DRC1: variants seen among roughly 807,000 people sequenced by gnomAD.
The protein encoded by DRC1 is dynein regulatory complex protein 1.
DRC1 carries 74 observed loss-of-function variants against 98.7 expected under a neutral mutation model. The observed-to-expected ratio is 0.75, with a 90% CI of 0.62 to 0.91. The LOEUF is 0.91. DRC1 is among the 40% of genes least tolerant of loss of function. The pLI is 0.00. For synonymous variants in DRC1, 336 were observed against 334.1 expected (o/e 1.01, Z -0.06); for missense variants, 875 against 886.0 (o/e 0.99, Z 0.16).
rs1423875160 is a variant in DRC1 at position 26,454,633 on chromosome 2, C to T, written c.1920-14C>T. On this transcript the variant is annotated splice_polypyrimidine_tract_variant and intron_variant, in intron 14 of 16. Coordinates refer to ENST00000288710, the MANE Select transcript of DRC1 (RefSeq NM_145038.5). The surrounding 1 kb of genome is among the most constrained non-coding windows in gnomAD (Gnocchi z 5.2). The stretch of plus-strand genomic sequence containing the variant: ...CCCAATGGACATGACAATCACTGTG[C>T]TCTTGGCCTTCAGGGACTCGCGGGC... The T allele has an allele frequency of 1.2e-6, 2 of 1,613,712 alleles. No individual in the cohort carries two copies. The highest frequency in any genetic ancestry group is 1.7e-5 in the Admixed American group (1 of 60,006).
At chr2:26,447,290 G>C (rs952919188) in intron 10 of DRC1, among the ~76,000 whole-genome samples, 13 of 151,404 alleles carry the variant, frequency 8.6e-5, no homozygotes, top group Non-Finnish European at 1.9e-4. Flanking sequence ...GCGCGCGGCT[G>C]TAATTCCAGC....
At chr2:26,456,433 G>GT (rs759246876) in intron 16 of DRC1, 28 bp from the exon 17 acceptor site, 11 of 1,613,814 alleles carry the variant, frequency 6.8e-6, no homozygotes, top group Non-Finnish European at 8.5e-6. Context: ...TGGGAAAAAT[G>GT]TAACGACTTT....
chr2:26,402,937 C>T (rs1257934550), intron 1 of DRC1, among the ~76,000 whole-genome samples: 1 of 152,174 alleles, frequency 6.6e-6, no homozygotes, highest in African/African-American at 2.4e-5. Context: ...TTAGGCTTTT[C>T]GGATCATATG....
Position 26,431,887 on chromosome 2 carries a change from G to C in DRC1, c.769G>C (p.Glu257Gln). ...ALQAHNAKEL[E>Q]YLNNRMKKVE... Reference sequence around the variant, plus strand: ...CCTTGTCTTCCTGTGCCTTTAGCTGGAGTATCTTAACAACCGCATGAAGAA... The same window carrying C: ...CCTTGTCTTCCTGTGCCTTTAGCTGCAGTATCTTAACAACCGCATGAAGAA... The change falls in exon 7 of 17, where the codon GAG (glutamate) becomes CAG (glutamine). Residue 257 changes from glutamate (E) to glutamine (Q), a missense_variant. By Grantham distance (29) the Glu-to-Gln change is conservative. Coordinates refer to ENST00000288710, the MANE Select transcript of DRC1 (RefSeq NM_145038.5). 6.2e-7 allele frequency: 1 copy of C among 1,613,724 alleles called. No individual in the cohort carries two copies. The highest frequency in any genetic ancestry group is 8.5e-7 in the Non-Finnish European group (1 of 1,179,776).
intron 10 of DRC1, among the ~76,000 whole-genome samples, chr2:26,447,633 C>G (rs1663891526): frequency 6.6e-6 from 1 of 151,708 alleles, no homozygotes; most frequent in African/African-American, 2.4e-5. Flanking sequence ...GTGGTGCAGT[C>G]TTGGCTCACT....
chr2:26,409,414 C>T (rs1017942899), intron 1 of DRC1, among the ~76,000 whole-genome samples: 2 of 152,068 alleles, frequency 1.3e-5, no homozygotes, highest in African/African-American at 4.8e-5. Context: ...TGTTTATGTA[C>T]ACATAACCAA....
At chr2:26,408,776 T>A (rs1380376607) in intron 1 of DRC1, among the ~76,000 whole-genome samples, 1 of 151,556 alleles carries the variant, frequency 6.6e-6, no homozygotes, top group African/African-American at 2.4e-5. Context: ...GTCTCAAAAA[T>A]AAAATAAAAT....
Position 26,449,971 on chromosome 2 carries a change from G to C in DRC1, c.1510-25G>C, listed in dbSNP as rs13384527. On this transcript the variant is annotated intron_variant, in intron 11 of 16. Transcript: ENST00000288710. Reference sequence around the variant, plus strand: ...CGCTCCTGAAACCTGTCCCCGACAGGAGATGCCTTCTTCCTTCTCCCCAGG... The same window carrying C: ...CGCTCCTGAAACCTGTCCCCGACAGCAGATGCCTTCTTCCTTCTCCCCAGG... 9,564 of 1,610,656 alleles carry C rather than the reference G, an allele frequency of 5.9e-3. 477 individuals are homozygous for C. The African/African-American group carries it at 0.1, about 17-fold the overall frequency.
In DRC1 at chr2:26,456,229, C is replaced by T. The variant is rs141619598; in HGVS notation, c.2167-232C>T. Among the ~76,000 whole-genome samples the T allele has an allele frequency of 5.0e-3, 758 of 152,186 alleles. 2 individuals are homozygous for T. The highest frequency in any genetic ancestry group is 0.017 in the Middle Eastern group (5 of 294). On this transcript the variant is annotated intron_variant, in intron 16 of 16. Transcript: ENST00000288710. ...GGGAAGACTGCAGAGAATGGACGGGCGGGAGATGAAGAACGCTACCAGAGG... is the reference window on the plus strand; with the variant it reads ...GGGAAGACTGCAGAGAATGGACGGGTGGGAGATGAAGAACGCTACCAGAGG...
chr2:26,427,702 C>A (rs995592227), intron 4 of DRC1, among the ~76,000 whole-genome samples: 3 of 152,062 alleles, frequency 2.0e-5, no homozygotes, highest in Admixed American at 6.6e-5. Context: ...TATTAACCAT[C>A]CCCATTCCTC....
chr2:26,455,733 T>A (rs1348852941), intron 16 of DRC1, among the ~76,000 whole-genome samples: 1 of 152,240 alleles, frequency 6.6e-6, no homozygotes. Context: ...AGGGTCATCC[T>A]CGCATGGGGA....
At chr2:26,403,524 G>A (rs950681578) in intron 1 of DRC1, among the ~76,000 whole-genome samples, 2 of 152,080 alleles carry the variant, frequency 1.3e-5, no homozygotes, top group African/African-American at 2.4e-5. Context: ...GTAAAAAATC[G>A]TAGCTCATGC....
chr2:26,450,004 C>T lies in DRC1; in HGVS notation c.1518C>T (p.Leu506=), dbSNP rs764466794. ...LMLLCDESGF[L]IESKLLSLLL... ...TTCTTCCTTCTCCCCAGGGGTTCCTCATAGAGAGCAAGCTGCTGAGCCTTC... is the reference window on the plus strand; with the variant it reads ...TTCTTCCTTCTCCCCAGGGGTTCCTTATAGAGAGCAAGCTGCTGAGCCTTC... Residue 506 remains leucine, a synonymous_variant, in exon 12 of 17, where the codon CTC becomes CTT. Transcript: ENST00000288710. 1.2e-6 allele frequency: 2 copies of T among 1,613,784 alleles called. No homozygotes were observed. Among genetic ancestry groups the T allele is most frequent in the Non-Finnish European group, 1.7e-6 (2 of 1,179,928 alleles).
chr2:26,420,685 G>A (rs542620413), intron 2 of DRC1, among the ~76,000 whole-genome samples: 1 of 152,068 alleles, frequency 6.6e-6, no homozygotes, highest in South Asian at 2.1e-4. Context: ...AAACGCAGTG[G>A]CTTTTCTCCA....
chr2:26,418,600 A>AT (rs1678909597), intron 2 of DRC1, among the ~76,000 whole-genome samples: 1 of 99,596 alleles, frequency 1.0e-5, no homozygotes, highest in South Asian at 2.4e-4. Flanking sequence ...TATAATTTAT[A>AT]TAATATATAA....
At chr2:26,424,674 G>A in intron 4 of DRC1, among the ~76,000 whole-genome samples, 1 of 152,190 alleles carries the variant, frequency 6.6e-6, no homozygotes, top group East Asian at 1.9e-4. Context: ...TTCATGGGCT[G>A]GATGAGGTGG....
rs2147990844 is a variant in DRC1 at position 26,429,757 on chromosome 2, A to G, written c.670A>G (p.Asn224Asp). ...VMKTFREELY[N>D]IEKAFEVERQ... ...GAAAACCTTTCGTGAGGAGCTCTAT[A>G]ACATTGAGGTAACAGGGTGTGAAAA... Residue 224 changes from asparagine to aspartate, a missense_variant, in exon 5 of 17, where the codon AAC (asparagine) becomes GAC (aspartate). Transcript: ENST00000288710. 6.2e-7 allele frequency: 1 copy of G among 1,614,056 alleles called. No homozygotes were observed. Among genetic ancestry groups the G allele is most frequent in the East Asian group, 2.2e-5 (1 of 44,888 alleles).
At chr2:26,435,480 C>G (rs1032709147) in intron 7 of DRC1, among the ~76,000 whole-genome samples, 5 of 152,128 alleles carry the variant, frequency 3.3e-5, no homozygotes, top group Non-Finnish European at 7.3e-5. Flanking sequence ...GGGTAAACTG[C>G]ACGTCATAGG....
chr2:26,443,941 G>A (rs577210023), intron 8 of DRC1, among the ~76,000 whole-genome samples: 1 of 152,172 alleles, frequency 6.6e-6, no homozygotes, highest in African/African-American at 2.4e-5. Flanking sequence ...GATGTATTGT[G>A]AAGTAGGTTC....
Sources: gnomAD v4.1 joint callset for allele counts (sites outside exome capture counted in the v4.1 genomes callset) on GRCh38, gnomAD v4.1.1 for gene constraint, Gnocchi (gnomAD v3.1) non-coding constraint, MANE v1.5 for transcripts, NCBI Gene and HGNC (gene_info 2026-07-23, HGNC 2026-07-21) for gene names.